CPB2: variants seen among roughly 807,000 people sequenced by gnomAD.
CPB2 encodes the protein carboxypeptidase B-like protein.
CPB2 carries 54 observed loss-of-function variants against 57.0 expected under a neutral mutation model. That is an observed-to-expected ratio of 0.95 (90% CI 0.76 to 1.19). The LOEUF is 1.19. CPB2 is among the 50% of genes most tolerant of loss of function. The probability of loss-of-function intolerance (pLI) is 0.00; values close to 1 mark genes in which losing one functional copy is unlikely to be tolerated. For missense variants in CPB2, 426 were observed against 512.0 expected (o/e 0.83, Z 1.62); for synonymous variants, 189 against 178.1 (o/e 1.06, Z -0.49).
chr13:46,095,130 G>A (rs1454660327), intron 1 of CPB2: 1 of 152,024 alleles, frequency 6.6e-6, no homozygotes, highest in Non-Finnish European at 1.5e-5. Context: ...GCTCATAGCG[G>A]GTGCACCATG....
chr13:46,081,383 C>T (rs2045114916), intron 4 of CPB2, among the ~76,000 whole-genome samples: 1 of 152,100 alleles, frequency 6.6e-6, no homozygotes, highest in Admixed American at 6.5e-5. Context: ...GGTGAAATCC[C>T]ACCTATGAAG....
intron 5 of CPB2, among the ~76,000 whole-genome samples, chr13:46,078,114 T>G (rs1242512709): frequency 1.3e-5 from 2 of 152,066 alleles, no homozygotes; most frequent in East Asian, 3.8e-4. Context: ...ATATCCCAAA[T>G]ACCCTGATTT....
chr13:46,104,881 G>A, intron 1 of CPB2, 55 bp downstream of exon 1: 1 of 1,605,894 alleles, frequency 6.2e-7, no homozygotes. Flanking sequence ...GACACGACAT[G>A]AGGCAAACAA....
rs1593900635 is a variant in CPB2, at chr13:46,078,725, A to G, written c.486+75T>C. ...TCAGAACTCAAAGGAAACAAACTCA[A>G]GTTTTAACAAACACGACTGGAGAAT... is the stretch of plus-strand genomic sequence containing the variant. On this transcript the variant is annotated intron_variant, in intron 5 of 10. Transcript: ENST00000181383. The G allele has an allele frequency of 3.0e-5, 29 of 980,388 alleles. No individual in the cohort carries two copies. The East Asian group carries it at 6.5e-4, about 22-fold the overall frequency. The allele number at this position is 980,388 out of a possible 1,614,324, so 60.7% of individuals were successfully genotyped here.
At chr13:46,085,520 T>C (rs796640869) in intron 2 of CPB2, among the ~76,000 whole-genome samples, 2 of 152,200 alleles carry the variant, frequency 1.3e-5, no homozygotes, top group South Asian at 4.1e-4. Context: ...TGCAGGCCCA[T>C]TCTTGCCAGA....
chr13:46,056,299 A>G (rs900363551), intron 9 of CPB2, among the ~76,000 whole-genome samples: 3 of 152,200 alleles, frequency 2.0e-5, no homozygotes, highest in South Asian at 2.1e-4. Flanking sequence ...CACAACTTCT[A>G]TTTTCTTCTT....
At chr13:46,096,101 G>A (rs1358760094) in intron 1 of CPB2, among the ~76,000 whole-genome samples, 1 of 151,708 alleles carries the variant, frequency 6.6e-6, no homozygotes, top group Non-Finnish European at 1.5e-5. Context: ...GGCTGGTCTC[G>A]AACTCCTGAC....
chr13:46,084,248 G>A lies in CPB2; in HGVS notation c.246C>T (p.Ala82=), dbSNP rs778410022. 16 of 1,614,084 alleles carry A rather than the reference G, an allele frequency of 9.9e-6. No homozygotes were observed. The Admixed American group carries it at 2.7e-4, about 27-fold the overall frequency. Residue 82 remains alanine, a synonymous_variant, in exon 3 of 11, where the codon GCC becomes GCT. Coordinates refer to ENST00000181383, the MANE Select transcript of CPB2 (RefSeq NM_001872.5). The part of the protein sequence containing the change: ...VNASDVDNVK[A]HLNVSGIPCS... ...ATGGAATTCCGCTCACATTTAAATG[G>A]GCTTTCACATTGTCGACATCAGATG...
chr13:46,063,317 CT>C (rs1566399337), intron 8 of CPB2, among the ~76,000 whole-genome samples: 1 of 152,164 alleles, frequency 6.6e-6, no homozygotes, highest in Non-Finnish European at 1.5e-5. Context: ...TTTCCCCTCT[CT>C]CTCCTTCCCT....
At chr13:46,054,591 G>A (rs937124936) in intron 10 of CPB2, among the ~76,000 whole-genome samples, 2 of 151,970 alleles carry the variant, frequency 1.3e-5, no homozygotes, top group Non-Finnish European at 2.9e-5. Flanking sequence ...TTGAGTCCAG[G>A]TTTATGGCAA....
At chr13:46,091,701 T>C (rs567797194) in intron 1 of CPB2, among the ~76,000 whole-genome samples, 1 of 152,376 alleles carries the variant, frequency 6.6e-6, no homozygotes, top group Admixed American at 6.5e-5. Flanking sequence ...GTATTTCTAT[T>C]TTGCAACTGT....
chr13:46,098,976 A>G (rs2045400878), intron 1 of CPB2: 1 of 152,210 alleles, frequency 6.6e-6, no homozygotes, highest in Non-Finnish European at 1.5e-5. Flanking sequence ...GAGATAAAAC[A>G]CTAAAAGTAC....
chr13:46,056,433 T>C (rs1454239841), intron 9 of CPB2, among the ~76,000 whole-genome samples: 1 of 152,202 alleles, frequency 6.6e-6, no homozygotes, highest in African/African-American at 2.4e-5. Context: ...ATTCATTTTG[T>C]CAAATCTATT....
At chr13:46,076,362 G>C (rs1051625017) in intron 5 of CPB2, among the ~76,000 whole-genome samples, 38 of 144,038 alleles carry the variant, frequency 2.6e-4, no homozygotes, top group Admixed American at 1.7e-3. Context: ...CAACCTAAAA[G>C]AAAAATCAAG....
rs925640026 is a variant in CPB2 at position 46,055,820 on chromosome 13, A to G, written c.1029T>C (p.Ala343=). 5 of 1,602,056 alleles carry G rather than the reference A, an allele frequency of 3.1e-6. No individual in the cohort carries two copies. Among genetic ancestry groups the G allele is most frequent in the Non-Finnish European group, 3.4e-6 (4 of 1,171,930 alleles). Residue 343 remains alanine (A), a synonymous_variant, in exon 10 of 11, where the codon GCT becomes GCC. Transcript: ENST00000181383. ...TGGTATTTTTACTAATTTTCTCAATAGCACGAACTGCTTCACTGGCTACTA... is the reference window on the plus strand; with the variant it reads ...TGGTATTTTTACTAATTTTCTCAATGGCACGAACTGCTTCACTGGCTACTA... ...LSLVASEAVR[A]IEKISKNTRY...
chr13:46,053,601 A>G lies in CPB2; in HGVS notation c.*13T>C. On this transcript the variant is annotated 3_prime_UTR_variant, in exon 11 of 11. Coordinates refer to ENST00000181383, the MANE Select transcript of CPB2 (RefSeq NM_001872.5). The stretch of plus-strand genomic sequence containing the variant: ...AATTAAAATACGGAAGCAGAATGAT[A>G]AAATCAGGGGCATTAAACATTCCTA... 6.2e-7 allele frequency: 1 copy of G among 1,602,464 alleles called. No individual in the cohort carries two copies. The highest frequency in any genetic ancestry group is 8.5e-7 in the Non-Finnish European group (1 of 1,171,456).
At position 46,058,280 on chromosome 13, in the gene CPB2, T is replaced by G. The variant is rs564181491; in HGVS notation, c.898A>C (p.Ile300Leu). 6.2e-7 allele frequency: 1 copy of G among 1,614,144 alleles called. No homozygotes were observed. The highest frequency in any genetic ancestry group is 1.3e-5 in the African/African-American group (1 of 75,070). ...KAVASFLRRNINQIKAYISMH... is the reference protein window; with the variant it reads ...KAVASFLRRNLNQIKAYISMH... ...CTGATGTATGCTTTAATCTGGTTGA[T>G]ATTTCTTCTCAAGAAACTAGCCACT... Residue 300 changes from isoleucine (I) to leucine (L), a missense_variant, in exon 9 of 11, where the codon ATC (isoleucine) becomes CTC (leucine). Ile to Leu is a conservative substitution (Grantham distance 5, BLOSUM62 2). Coordinates refer to ENST00000181383, the MANE Select transcript of CPB2 (RefSeq NM_001872.5).
intron 5 of CPB2, among the ~76,000 whole-genome samples, chr13:46,074,876 G>A (rs1479346346): frequency 2.0e-5 from 3 of 152,162 alleles, no homozygotes; most frequent in African/African-American, 7.2e-5. Flanking sequence ...TGCATGCGCG[G>A]TTCACAGTGG....
intron 5 of CPB2, among the ~76,000 whole-genome samples, chr13:46,078,321 A>C (rs1226595862): frequency 6.6e-6 from 1 of 152,118 alleles, no homozygotes; most frequent in Non-Finnish European, 1.5e-5. Flanking sequence ...TTGTCCCCTA[A>C]CAGAAATAGT....
Sources: allele counts gnomAD v4.1 joint callset (sites outside exome capture counted in the v4.1 genomes callset), GRCh38; gene constraint gnomAD v4.1.1; transcripts MANE v1.5; gene names NCBI Gene and HGNC (gene_info 2026-07-23, HGNC 2026-07-21).